The following PLXDC2 variants were observed in gnomAD, a reference collection of about 807,000 sequenced individuals.
The protein encoded by PLXDC2 is plexin domain-containing protein 2.
In PLXDC2, 40 loss-of-function variants were observed where a neutral mutation model predicts 68.9. That is an observed-to-expected ratio of 0.58 (90% CI 0.45 to 0.76). The LOEUF (loss-of-function observed/expected upper bound fraction) is 0.76. PLXDC2 is among the 30% of genes least tolerant of loss of function. The pLI is 0.00. For synonymous variants in PLXDC2, 243 were observed against 234.2 expected, an observed-to-expected ratio of 1.04 and a Z score of -0.34; for missense variants, 644 against 661.9, an observed-to-expected ratio of 0.97 and a Z score of 0.30.
At chr10:20,058,487 T>G (rs1836040864) in intron 3 of PLXDC2, among the ~76,000 whole-genome samples, 1 of 152,214 alleles carries the variant, frequency 6.6e-6, no homozygotes, top group Non-Finnish European at 1.5e-5. Context: ...TCATTAGGAC[T>G]AAATAATTTA....
chr10:19,849,149 A>ATAGTATTTT (rs1837068158), intron 1 of PLXDC2, among the ~76,000 whole-genome samples: 1 of 152,198 alleles, frequency 6.6e-6, no homozygotes, highest in African/African-American at 2.4e-5. Flanking sequence ...AAAGTGAAGA[A>ATAGTATTTT]TAGTATTTTT....
chr10:20,135,046 A>T (rs1426604339), intron 4 of PLXDC2, among the ~76,000 whole-genome samples: 1 of 152,174 alleles, frequency 6.6e-6, no homozygotes, highest in African/African-American at 2.4e-5. Context: ...TCTGGGCTCC[A>T]CTTAGGTGCT....
rs397846779 is a variant in PLXDC2, at chr10:19,883,884, C to CTTTTTTTT, written c.112+66713_112+66720dup. ...ATTACTGTCTCCAGATCCCTTTAAA[C>CTTTTTTTT]TTTTTTTTTTTTTTTTTTTTTTTTT... On this transcript the variant is annotated intron_variant, in intron 1 of 13. Coordinates refer to ENST00000377252, the MANE Select transcript of PLXDC2 (RefSeq NM_032812.9). Among the ~76,000 whole-genome samples, 74 of 55,096 alleles carry CTTTTTTTT rather than the reference C, an allele frequency of 1.3e-3. 21 individuals are homozygous for CTTTTTTTT. The highest frequency in any genetic ancestry group is 5.9e-3 in the African/African-American group (64 of 10,838). The allele number at this position is 55,096 out of a possible 152,430, so 36.1% of individuals were successfully genotyped here.
intron 7 of PLXDC2, 138 bp from the exon 8 acceptor site, chr10:20,176,861 C>A: frequency 1.7e-6 from 1 of 589,422 alleles, no homozygotes; most frequent in Non-Finnish European, 2.9e-6. Flanking sequence ...ATTTTGTAAT[C>A]AGTCTTCTCA....
At chr10:20,230,309 A>C (rs1198613231) in intron 12 of PLXDC2, among the ~76,000 whole-genome samples, 1 of 152,176 alleles carries the variant, frequency 6.6e-6, no homozygotes, top group African/African-American at 2.4e-5. Flanking sequence ...TGCCTATATA[A>C]ATATCAAATT....
At chr10:19,927,713 C>CAAAAAA (rs35250324) in intron 1 of PLXDC2, among the ~76,000 whole-genome samples, 200 of 53,188 alleles carry the variant, frequency 3.8e-3, no homozygotes, top group African/African-American at 5.7e-3. Context: ...GGAAAAAAAG[C>CAAAAAA]AAAAAAAAAA....
At position 20,197,644 on chromosome 10, in the gene PLXDC2, C is replaced by A. The variant is rs115717796; in HGVS notation, c.1062-14025C>A. ...GTGCTGGGATTAGAGGCATAAGCCT[C>A]CGCACCCGGCCTTTATTTTTATTTT... On this transcript the variant is annotated intron_variant, in intron 9 of 13. Coordinates refer to ENST00000377252, the MANE Select transcript of PLXDC2 (RefSeq NM_032812.9). Among the ~76,000 whole-genome samples the A allele has an allele frequency of 8.6e-3, 1,310 of 152,116 alleles. 18 individuals carry two copies. Among genetic ancestry groups the A allele is most frequent in the African/African-American group, 0.029 (1,211 of 41,482 alleles).
chr10:19,819,063 CAAT>C (rs144989943), intron 1 of PLXDC2, among the ~76,000 whole-genome samples: 1 of 143,402 alleles, frequency 7.0e-6, no homozygotes, highest in South Asian at 2.2e-4. Context: ...CACACACACA[CAAT>C]ACACACACAT....
At chr10:20,084,993 G>T (rs930697025) in intron 4 of PLXDC2, among the ~76,000 whole-genome samples, 1 of 151,882 alleles carries the variant, frequency 6.6e-6, no homozygotes, top group East Asian at 1.9e-4. Context: ...TCTTTCCTAT[G>T]CAATAAATAT....
intron 4 of PLXDC2, among the ~76,000 whole-genome samples, chr10:20,084,906 T>C (rs1833168876): frequency 6.6e-6 from 1 of 151,610 alleles, no homozygotes; most frequent in Non-Finnish European, 1.5e-5. Flanking sequence ...TAACATGAGT[T>C]CTGGTTCTGG....
intron 1 of PLXDC2, among the ~76,000 whole-genome samples, chr10:19,860,704 C>T (rs187163609): frequency 5.8e-4 from 89 of 152,298 alleles, no homozygotes; most frequent in Admixed American, 1.4e-3. Context: ...CAGATCCTCA[C>T]TAAATATGTG....
At chr10:20,213,687 T>C (rs1835099551) in intron 10 of PLXDC2, among the ~76,000 whole-genome samples, 1 of 152,098 alleles carries the variant, frequency 6.6e-6, no homozygotes, top group South Asian at 2.1e-4. Flanking sequence ...AATTGAGTCA[T>C]CATCAGAGAA....
chr10:20,244,013 C>T (rs1213160701), intron 12 of PLXDC2, among the ~76,000 whole-genome samples: 1 of 151,162 alleles, frequency 6.6e-6, no homozygotes, highest in Non-Finnish European at 1.5e-5. Flanking sequence ...GAGCCGAGAT[C>T]ACACCACTGC....
chr10:20,140,945 C>T (rs1045148271), intron 4 of PLXDC2, among the ~76,000 whole-genome samples: 15 of 151,604 alleles, frequency 9.9e-5, no homozygotes, highest in African/African-American at 3.6e-4. Flanking sequence ...GCCAGACATG[C>T]TAATAATTGT....
chr10:19,909,364 C>T (rs939655845), intron 1 of PLXDC2, among the ~76,000 whole-genome samples: 1 of 152,142 alleles, frequency 6.6e-6, no homozygotes, highest in African/African-American at 2.4e-5. Context: ...CAGAATTTAT[C>T]CCGGAGACAT....
chr10:19,934,548 G>A (rs568460544), intron 1 of PLXDC2, among the ~76,000 whole-genome samples: 1 of 152,284 alleles, frequency 6.6e-6, no homozygotes, highest in South Asian at 2.1e-4. Context: ...GGCAAGCAAT[G>A]GTAAGTCTTG....
intron 1 of PLXDC2, among the ~76,000 whole-genome samples, chr10:19,860,241 T>C (rs574928484): frequency 6.6e-4 from 101 of 152,316 alleles, no homozygotes; most frequent in Non-Finnish European, 1.4e-3. Context: ...TGAACAATTA[T>C]GTTTGTTCAC....
rs1836206842 is a variant in PLXDC2 at position 20,289,804 on chromosome 10, T to G, written c.*9985T>G. On this transcript the variant is annotated 3_prime_UTR_variant, in exon 14 of 14. Coordinates refer to ENST00000377252, the MANE Select transcript of PLXDC2 (RefSeq NM_032812.9). Reference sequence around the variant, plus strand: ...ATACCTCTGTATAGATCTTTTGGACTGTACTGATTAAACTTTGATATTGTG... The same window carrying G: ...ATACCTCTGTATAGATCTTTTGGACGGTACTGATTAAACTTTGATATTGTG... The G allele has an allele frequency of 6.6e-6, 1 of 152,182 alleles. No individual in the cohort carries two copies. The highest frequency in any genetic ancestry group is 1.5e-5 in the Non-Finnish European group (1 of 68,042). The allele number at this position is 152,182 out of a possible 1,614,324, so 9.4% of individuals were successfully genotyped here. A position where few individuals can be genotyped will look rare whatever the true frequency, so the allele number is the denominator to read the frequency against.
chr10:19,994,254 T>A (rs1247967976), intron 1 of PLXDC2, among the ~76,000 whole-genome samples: 222 of 35,604 alleles, frequency 6.2e-3, no homozygotes, highest in Non-Finnish European at 8.6e-3. Flanking sequence ...TGTATTCTCC[T>A]TTTTTTTTTT....
Sources: gnomAD v4.1 joint callset for allele counts (sites outside exome capture counted in the v4.1 genomes callset) on GRCh38, gnomAD v4.1.1 for gene constraint, MANE v1.5 for transcripts, NCBI Gene and HGNC (gene_info 2026-07-23, HGNC 2026-07-21) for gene names.